Variants in AQR observed in about 807,000 individuals in gnomAD.
AQR encodes RNA helicase aquarius.
A neutral mutation model predicts 180.5 loss-of-function variants in AQR; 61 were observed. That is an observed-to-expected ratio of 0.34 (90% CI 0.28 to 0.42). The LOEUF (loss-of-function observed/expected upper bound fraction) is 0.42. Among genes scored for constraint, AQR ranks in the 10% least tolerant of loss-of-function variants. AQR has a pLI of 1.00. For missense variants in AQR, 1,281 were observed against 1,798.3 expected, an observed-to-expected ratio of 0.71 and a Z score of 5.20; for synonymous variants, 551 against 588.8, an observed-to-expected ratio of 0.94 and a Z score of 0.93.
At chr15:34,952,172 G>A (rs1005894273) in intron 4 of AQR, among the ~76,000 whole-genome samples, 38 of 152,250 alleles carry the variant, frequency 2.5e-4, no homozygotes, top group African/African-American at 8.9e-4. Flanking sequence ...GTGTAGAGAA[G>A]TGGAAAACCA....
chr15:34,934,931 T>C (rs1893923506), intron 9 of AQR, among the ~76,000 whole-genome samples: 1 of 152,294 alleles, frequency 6.6e-6, no homozygotes, highest in South Asian at 2.1e-4. Flanking sequence ...AAAATCTGTA[T>C]TAAATTAGAT....
chr15:34,861,478 G>T (rs1407889810), intron 33 of AQR, among the ~76,000 whole-genome samples: 1 of 152,186 alleles, frequency 6.6e-6, no homozygotes, highest in Non-Finnish European at 1.5e-5. Context: ...TTGAACTCAT[G>T]AGTGTTATCT....
chr15:34,928,932 C>A (rs556280814), intron 12 of AQR, among the ~76,000 whole-genome samples: 4 of 152,278 alleles, frequency 2.6e-5, no homozygotes, highest in African/African-American at 9.6e-5. Context: ...ACTTGCATTT[C>A]TCTGATGATG....
intron 27 of AQR, among the ~76,000 whole-genome samples, chr15:34,878,071 G>A (rs1344302346): frequency 6.6e-6 from 1 of 152,086 alleles, no homozygotes; most frequent in East Asian, 1.9e-4. Context: ...TCTCTCTTGA[G>A]TCACCCTTTC....
intron 1 of AQR, among the ~76,000 whole-genome samples, chr15:34,966,869 C>CT (rs148912380): frequency 0.018 from 1,180 of 67,066 alleles, 1 homozygote; most frequent in African/African-American, 0.029. Flanking sequence ...CCACCCTGGC[C>CT]TTTTTTTTTT....
chr15:34,942,915 A>C (rs886593591), intron 6 of AQR, among the ~76,000 whole-genome samples: 6 of 152,228 alleles, frequency 3.9e-5, no homozygotes, highest in Non-Finnish European at 8.8e-5. Flanking sequence ...ATAATAAACT[A>C]GTTTGGTAAG....
chr15:34,920,088 T>C (rs1328839648), intron 14 of AQR, among the ~76,000 whole-genome samples: 1 of 152,328 alleles, frequency 6.6e-6, no homozygotes, highest in Non-Finnish European at 1.5e-5. Flanking sequence ...GTGATTTGCA[T>C]ATAAATAGTT....
intron 13 of AQR, 31 bp downstream of exon 13, chr15:34,927,004 A>G (rs1469931155): frequency 1.5e-6 from 2 of 1,354,558 alleles, no homozygotes; most frequent in Non-Finnish European, 2.0e-6. Context: ...TGATACAAAA[A>G]AAGAATATAT....
chr15:34,952,813 A>C, intron 4 of AQR, 72 bp downstream of exon 4: 2 of 1,085,958 alleles, frequency 1.8e-6, no homozygotes, highest in Non-Finnish European at 2.7e-6. Context: ...GACTCACAGA[A>C]ATAACACAGA....
At chr15:34,923,247 C>A (rs992500847) in intron 13 of AQR, among the ~76,000 whole-genome samples, 12 of 152,186 alleles carry the variant, frequency 7.9e-5, no homozygotes, top group African/African-American at 2.9e-4. Flanking sequence ...GGGTTCAGTA[C>A]AATCTACAGT....
intron 11 of AQR, among the ~76,000 whole-genome samples, chr15:34,931,262 A>AT (rs1893855249): frequency 6.6e-6 from 1 of 152,180 alleles, no homozygotes; most frequent in Non-Finnish European, 1.5e-5. Flanking sequence ...CCCCTGTAGC[A>AT]GCAGCATCAA....
intron 31 of AQR, chr15:34,870,091 A>C (rs555161256): frequency 2.4e-4 from 36 of 152,174 alleles, no homozygotes; most frequent in Non-Finnish European, 3.5e-4. Context: ...TTTCATAACA[A>C]AAGGCCCTCT....
chr15:34,936,301 T>C (rs988012408), intron 9 of AQR, among the ~76,000 whole-genome samples: 1 of 152,164 alleles, frequency 6.6e-6, no homozygotes, highest in African/African-American at 2.4e-5. Flanking sequence ...TAGCCTTCTG[T>C]TTCCTAACTA....
chr15:34,944,734 A>G (rs1190925599), intron 5 of AQR, among the ~76,000 whole-genome samples: 2 of 152,174 alleles, frequency 1.3e-5, no homozygotes, highest in Admixed American at 1.3e-4. Context: ...CTTATTAAGG[A>G]TCTGAAGTGT....
intron 9 of AQR, among the ~76,000 whole-genome samples, chr15:34,935,110 A>G (rs991516448): frequency 3.3e-5 from 5 of 152,118 alleles, no homozygotes; most frequent in Non-Finnish European, 5.9e-5. Context: ...TGAAAATTAG[A>G]GAGGTAATTT....
In AQR at chr15:34,855,529, CCTTTTTT is replaced by C. The variant is rs1174172845; in HGVS notation, c.*1256_*1262del. Reference sequence around the variant, plus strand: ...CCTCTACACATACATATAAACATTTCCTTTTTTTTTTTTTTTTTTCCAGTTCTGGGCA... The same window carrying C: ...CCTCTACACATACATATAAACATTTCTTTTTTTTTTTTCCAGTTCTGGGCA... On this transcript the variant is annotated 3_prime_UTR_variant, in exon 35 of 35. Coordinates refer to ENST00000156471, the MANE Select transcript of AQR (RefSeq NM_014691.3). 2.0e-5 allele frequency: 2 copies of C among 101,634 alleles called. No homozygotes were observed. Among genetic ancestry groups the C allele is most frequent in the African/African-American group, 6.4e-5 (2 of 31,352 alleles). The allele number at this position is 101,634 out of a possible 1,614,324, so 6.3% of individuals were successfully genotyped here. A position where few individuals can be genotyped will look rare whatever the true frequency, so the allele number is the denominator to read the frequency against.
chr15:34,899,204 C>T (rs575343052), intron 20 of AQR, among the ~76,000 whole-genome samples: 1 of 151,892 alleles, frequency 6.6e-6, no homozygotes, highest in South Asian at 2.1e-4. Flanking sequence ...AAACTATCCT[C>T]AAGGCAGAAT....
intron 13 of AQR, among the ~76,000 whole-genome samples, chr15:34,923,502 T>C (rs549256077): frequency 6.6e-6 from 1 of 152,236 alleles, no homozygotes; most frequent in Non-Finnish European, 1.5e-5. Context: ...TTGGTGTCTA[T>C]AGAAATCTTT....
intron 28 of AQR, among the ~76,000 whole-genome samples, chr15:34,875,559 A>G (rs1226465744): frequency 2.6e-5 from 4 of 152,110 alleles, no homozygotes; most frequent in Non-Finnish European, 5.9e-5. Context: ...AGGCATAAAG[A>G]AAAGCAATGC....
Sources: gnomAD v4.1 joint callset for allele counts (sites outside exome capture counted in the v4.1 genomes callset) on GRCh38, gnomAD v4.1.1 for gene constraint, MANE v1.5 for transcripts, NCBI Gene and HGNC (gene_info 2026-07-23, HGNC 2026-07-21) for gene names.